GALNTL6: variants seen among roughly 807,000 people sequenced by gnomAD.
GALNTL6 encodes polypeptide N-acetylgalactosaminyltransferase like 6.
GALNTL6 carries 46 observed loss-of-function variants against 73.7 expected under a neutral mutation model. The observed-to-expected ratio is 0.62, with a 90% CI of 0.49 to 0.80. The LOEUF (loss-of-function observed/expected upper bound fraction) is 0.80. Among genes scored for constraint, GALNTL6 ranks in the 30% least tolerant of loss-of-function variants. The pLI is 0.00. For synonymous variants in GALNTL6, 259 were observed against 263.7 expected (o/e 0.98, Z 0.17); for missense variants, 604 against 755.0 (o/e 0.80, Z 2.34).
chr4:172,418,878 T>A (rs971739162), intron 5 of GALNTL6, among the ~76,000 whole-genome samples: 4 of 152,174 alleles, frequency 2.6e-5, no homozygotes, highest in African/African-American at 9.6e-5. Flanking sequence ...GTGATTGTTT[T>A]CATAATAACA....
At position 172,809,278 on chromosome 4, in the gene GALNTL6, T is replaced by C. The variant is rs1267148569; in HGVS notation, c.554-83T>C. On this transcript the variant is annotated intron_variant, in intron 5 of 12. Coordinates refer to ENST00000506823, the MANE Select transcript of GALNTL6 (RefSeq NM_001034845.3). This position sits in a 1 kb window ranked among gnomAD's most constrained non-coding sequence, Gnocchi z 4.4. ...ACCCCAGGATTCATCAGTCACATAC[T>C]CTCTATGCACAAACAACCGTGAATA... 2.8e-6 allele frequency: 3 copies of C among 1,081,974 alleles called. No homozygotes were observed. The highest frequency in any genetic ancestry group is 4.2e-6 in the Non-Finnish European group (3 of 718,800). The allele number at this position is 1,081,974 out of a possible 1,614,324, so 67.0% of individuals were successfully genotyped here. A position where few individuals can be genotyped will look rare whatever the true frequency, so the allele number is the denominator to read the frequency against.
rs1379470132 is a variant in GALNTL6, at chr4:172,404,708, C to T, written c.553+56019C>T. Among the ~76,000 whole-genome samples the T allele has an allele frequency of 4.6e-5, 7 of 151,988 alleles. No individual in the cohort carries two copies. The South Asian group carries it at 6.2e-4, about 13-fold the overall frequency. On this transcript the variant is annotated intron_variant, in intron 5 of 12. Transcript: ENST00000506823. ...AGTGTTAAAGGAAGCAACAGGCCTG[C>T]GATTGCCTGGGCACTAATAGTACAT...
chr4:172,553,390 C>A (rs1003737309), intron 5 of GALNTL6, among the ~76,000 whole-genome samples: 2 of 152,156 alleles, frequency 1.3e-5, no homozygotes, highest in African/African-American at 4.8e-5. Flanking sequence ...TGGATGAGAA[C>A]TGTTATCTGA....
At chr4:172,403,438 T>C (rs890512712) in intron 5 of GALNTL6, among the ~76,000 whole-genome samples, 7 of 152,058 alleles carry the variant, frequency 4.6e-5, no homozygotes, top group African/African-American at 1.7e-4. Flanking sequence ...TTTAAGAAGT[T>C]CTAAATCTTT....
chr4:172,168,958 T>C (rs1006757393), intron 2 of GALNTL6, among the ~76,000 whole-genome samples: 1 of 152,206 alleles, frequency 6.6e-6, no homozygotes, highest in Non-Finnish European at 1.5e-5. Flanking sequence ...AAATATTCTT[T>C]GAGGATAACA....
chr4:172,022,892 T>C (rs1053023718), intron 2 of GALNTL6, among the ~76,000 whole-genome samples: 12 of 152,068 alleles, frequency 7.9e-5, no homozygotes, highest in African/African-American at 1.2e-4. Context: ...TCCCTGTTTT[T>C]CACAATTCCA....
rs200452023 is a variant in GALNTL6, at chr4:172,487,367, CTTCTT to C, written c.553+138705_553+138709del. Among the ~76,000 whole-genome samples, 527 of 86,996 alleles carry C rather than the reference CTTCTT, an allele frequency of 6.1e-3. 4 individuals carry two copies. Among genetic ancestry groups the C allele is most frequent in the South Asian group, 0.023 (72 of 3,080 alleles). 57.1% of individuals were successfully genotyped at this position (86,996 alleles called of 152,430 possible). A position where few individuals can be genotyped will look rare whatever the true frequency, so the allele number is the denominator to read the frequency against. On this transcript the variant is annotated intron_variant, in intron 5 of 12. Transcript: ENST00000506823. ...CTTTCTTTCTTTCTTTCCTTCTTTC[CTTCTT>C]TTCTTTTCTTTTCTTTTCTTTTCTT...
chr4:172,409,299 G>A (rs1279117969), intron 5 of GALNTL6, among the ~76,000 whole-genome samples: 3 of 151,968 alleles, frequency 2.0e-5, no homozygotes, highest in African/African-American at 7.2e-5. Flanking sequence ...ATAATCAACA[G>A]TTAGACAAAG....
intron 4 of GALNTL6, among the ~76,000 whole-genome samples, chr4:172,333,865 G>A (rs1741217874): frequency 6.6e-6 from 1 of 152,108 alleles, no homozygotes; most frequent in African/African-American, 2.4e-5. Flanking sequence ...ATTTTTGTAT[G>A]TGGTGAGAGA....
rs59079970 is a variant in GALNTL6 at position 172,875,732 on chromosome 4, A to AACACACACACAC, written c.924-7032_924-7021dup. ...TAGATCCTCCCTTTGCTCATACATA[A>AACACACACACAC]ACACACACACACACACACACACACA... On this transcript the variant is annotated intron_variant, in intron 7 of 12. Coordinates refer to ENST00000506823, the MANE Select transcript of GALNTL6 (RefSeq NM_001034845.3). Among the ~76,000 whole-genome samples the AACACACACACAC allele has an allele frequency of 1.9e-3, 277 of 145,810 alleles. 1 individual carries two copies. The highest frequency in any genetic ancestry group is 6.2e-3 in the African/African-American group (244 of 39,228).
chr4:172,499,702 A>G (rs1385937614), intron 5 of GALNTL6, among the ~76,000 whole-genome samples: 3 of 152,202 alleles, frequency 2.0e-5, no homozygotes, highest in Admixed American at 1.3e-4. Context: ...AACAGTAAAG[A>G]GTTCTCATGC....
Position 171,852,918 on chromosome 4 carries a change from C to T in GALNTL6, c.138+38200C>T, listed in dbSNP as rs138881345. On this transcript the variant is annotated intron_variant, in intron 2 of 12. Coordinates refer to ENST00000506823, the MANE Select transcript of GALNTL6 (RefSeq NM_001034845.3). The stretch of plus-strand genomic sequence containing the variant: ...CTGGAATGCAGTGGCCCGATCTCGG[C>T]TCACTGCAAGCTCCGCCTCCTGGGT... 6.5e-3 allele frequency among the ~76,000 whole-genome samples: 984 copies of T among 151,928 alleles called. 12 individuals are homozygous for T. The highest frequency in any genetic ancestry group is 0.022 in the African/African-American group (911 of 41,430).
intron 5 of GALNTL6, among the ~76,000 whole-genome samples, chr4:172,438,536 T>C (rs1731719540): frequency 2.0e-5 from 3 of 152,096 alleles, no homozygotes; most frequent in African/African-American, 7.2e-5. Flanking sequence ...ATTGTTTTCA[T>C]ACATCCTCAA....
chr4:172,690,949 A>G (rs1028373500), intron 5 of GALNTL6, among the ~76,000 whole-genome samples: 3 of 152,236 alleles, frequency 2.0e-5, no homozygotes, highest in Admixed American at 6.5e-5. Flanking sequence ...TAGAAATACA[A>G]TACTCTAAGA....
At chr4:172,371,641 G>A (rs554268791) in intron 5 of GALNTL6, among the ~76,000 whole-genome samples, 12 of 150,286 alleles carry the variant, frequency 8.0e-5, no homozygotes, top group Admixed American at 7.3e-4. Context: ...CTCTTCCTCT[G>A]TCTCCTTCTC....
chr4:171,874,352 G>A (rs1736218233), intron 2 of GALNTL6, among the ~76,000 whole-genome samples: 1 of 152,036 alleles, frequency 6.6e-6, no homozygotes, highest in African/African-American at 2.4e-5. Flanking sequence ...ACCATGCCAG[G>A]CTAATTTTTG....
At chr4:172,132,563 G>A (rs1733527826) in intron 2 of GALNTL6, among the ~76,000 whole-genome samples, 1 of 151,980 alleles carries the variant, frequency 6.6e-6, no homozygotes, top group African/African-American at 2.4e-5. Context: ...ATGTACCTGT[G>A]CCTGCATGTG....
chr4:172,472,708 G>A (rs1733095779), intron 5 of GALNTL6, among the ~76,000 whole-genome samples: 1 of 152,120 alleles, frequency 6.6e-6, no homozygotes, highest in South Asian at 2.1e-4. Flanking sequence ...GTGGCCACAT[G>A]AAGACAGAGA....
chr4:172,443,589 CT>C (rs1274783620), intron 5 of GALNTL6, among the ~76,000 whole-genome samples: 2 of 152,064 alleles, frequency 1.3e-5, no homozygotes, highest in Non-Finnish European at 2.9e-5. Flanking sequence ...ATTATAGCCC[CT>C]TTTTATATGT....
Sources: gnomAD v4.1 joint callset for allele counts (sites outside exome capture counted in the v4.1 genomes callset) on GRCh38, gnomAD v4.1.1 for gene constraint, Gnocchi (gnomAD v3.1) non-coding constraint, MANE v1.5 for transcripts, NCBI Gene and HGNC (gene_info 2026-07-23, HGNC 2026-07-21) for gene names.